The following ZSWIM4 variants were observed in gnomAD, a reference collection of about 807,000 sequenced individuals.
ZSWIM4 encodes zinc finger SWIM-type containing 4.
A neutral mutation model predicts 102.5 loss-of-function variants in ZSWIM4; 62 were observed. The observed-to-expected ratio is 0.60, with a 90% CI of 0.49 to 0.75. ZSWIM4 has a LOEUF of 0.75. Among genes scored for constraint, ZSWIM4 ranks in the 30% least tolerant of loss-of-function variants. ZSWIM4 has a pLI of 0.00. For missense variants in ZSWIM4, 1,280 were observed against 1,529.6 expected, an observed-to-expected ratio of 0.84 and a Z score of 2.72; for synonymous variants, 652 against 674.5, an observed-to-expected ratio of 0.97 and a Z score of 0.52.
chr19:13,805,401 G>A (rs142667289), intron 3 of ZSWIM4, among the ~76,000 whole-genome samples: 403 of 152,068 alleles, frequency 2.7e-3, no homozygotes, highest in Non-Finnish European at 3.5e-3. Flanking sequence ...GAGATCCTGC[G>A]TTAGAGGGCA....
At chr19:13,821,824 C>A (rs925193175) in intron 10 of ZSWIM4, among the ~76,000 whole-genome samples, 15 of 152,178 alleles carry the variant, frequency 9.9e-5, no homozygotes, top group African/African-American at 3.6e-4. Context: ...AAGCTCCAAA[C>A]CTCCCGGGTT....
chr19:13,808,874 G>A lies in ZSWIM4; in HGVS notation c.751G>A (p.Ala251Thr), dbSNP rs755192310. ...DPTAGAGIED[A>T]NCWHLDEEQI... is the part of the protein sequence containing the mutation. ...CACCGCCGGCGCAGGAATCGAGGAC[G>A]CCAACTGCTGGCACCTGGACGAGGA... Residue 251 changes from alanine (A) to threonine (T), a missense_variant, in exon 4 of 14, where the codon GCC (alanine) becomes ACC (threonine). By Grantham distance (58) the Ala-to-Thr change is moderately conservative. Coordinates refer to ENST00000590508, the MANE Select transcript of ZSWIM4 (RefSeq NM_001367834.3). 1.9e-6 allele frequency: 3 copies of A among 1,611,398 alleles called. No individual in the cohort carries two copies. The highest frequency in any genetic ancestry group is 2.5e-6 in the Non-Finnish European group (3 of 1,179,052).
rs1303965987 is a variant in ZSWIM4 at position 13,809,086 on chromosome 19, G to A, written c.878G>A (p.Arg293Gln). The A allele has an allele frequency of 5.6e-6, 9 of 1,613,030 alleles. No individual in the cohort carries two copies. Among genetic ancestry groups the A allele is most frequent in the African/African-American group, 2.7e-5 (2 of 74,926 alleles). ...SMFSKVREMLRMRDSNGARML... is the reference protein window; with the variant it reads ...SMFSKVREMLQMRDSNGARML... ...CCGGCACAGGTGCGGGAGATGCTGC[G>A]AATGCGGGACTCCAACGGGGCGCGC... Residue 293 changes from arginine (R) to glutamine (Q), a missense_variant, in exon 5 of 14, where the codon CGA becomes CAA. Transcript: ENST00000590508. This position sits in a 1 kb window ranked among gnomAD's most constrained non-coding sequence, Gnocchi z 4.2.
chr19:13,819,229 C>T, intron 9 of ZSWIM4, 128 bp from the exon 10 acceptor site: 2 of 1,295,822 alleles, frequency 1.5e-6, no homozygotes, highest in Non-Finnish European at 2.1e-6. Context: ...CCCCAGAGAC[C>T]CATCTAGCCA....
chr19:13,819,605 C>A, intron 10 of ZSWIM4, 113 bp downstream of exon 10: 1 of 1,243,970 alleles, frequency 8.0e-7, no homozygotes, highest in Non-Finnish European at 1.1e-6. Context: ...CTAGTTAATT[C>A]AGTCTCTCTC....
At position 13,809,029 on chromosome 19, in the gene ZSWIM4, G is replaced by A. The variant is rs776678398; in HGVS notation, c.862-41G>A. 10 of 1,606,574 alleles carry A rather than the reference G, an allele frequency of 6.2e-6. No individual in the cohort carries two copies. In the East Asian group the frequency reaches 9.0e-5, roughly 14 times the overall value. ...GGCGCGGGGTGCAGAAGGCCCCGGC[G>A]GACGCCCCAGCCCTTCCTCACCACC... On this transcript the variant is annotated intron_variant, in intron 4 of 13. Transcript: ENST00000590508. The surrounding 1 kb of genome is among the most constrained non-coding windows in gnomAD (Gnocchi z 4.2).
chr19:13,808,823 TC>T lies in ZSWIM4; in HGVS notation c.713-10del, dbSNP rs766633001. The stretch of plus-strand genomic sequence containing the variant: ...AGCCCCAGCCTCAGCTTCCTTTCCC[TC>T]CCTCCCGGCAGGTGCCCCAGACCCC... On this transcript the variant is annotated splice_polypyrimidine_tract_variant and intron_variant, in intron 3 of 13. Coordinates refer to ENST00000590508, the MANE Select transcript of ZSWIM4 (RefSeq NM_001367834.3). 1.4e-6 allele frequency: 2 copies of T among 1,452,510 alleles called. No individual in the cohort carries two copies. The highest frequency in any genetic ancestry group is 1.8e-6 in the Non-Finnish European group (2 of 1,088,680). 90.0% of individuals were successfully genotyped at this position (1,452,510 alleles called of 1,614,324 possible). A position where few individuals can be genotyped will look rare whatever the true frequency, so the allele number is the denominator to read the frequency against.
intron 12 of ZSWIM4, among the ~76,000 whole-genome samples, chr19:13,826,617 T>C (rs1289510948): frequency 2.0e-5 from 3 of 151,824 alleles, no homozygotes; most frequent in Admixed American, 2.0e-4. Context: ...ATACAAAAAT[T>C]AGCCAAGCGT....
Position 13,825,581 on chromosome 19 carries a change from C to T in ZSWIM4, c.2247C>T (p.Gly749=), listed in dbSNP as rs1975584026. 6.2e-7 allele frequency: 1 copy of T among 1,614,192 alleles called. No homozygotes were observed. ...GDPKWLHTVL[G]SIQQNIHSPA... ...CCAAGTGGCTGCACACGGTACTGGG[C>T]TCCATCCAGCAGAACATCCACTCTC... Residue 749 remains glycine (G), a synonymous_variant, in exon 12 of 14, where the codon GGC becomes GGT. Transcript: ENST00000590508. This position sits in a 1 kb window ranked among gnomAD's most constrained non-coding sequence, Gnocchi z 4.6.
chr19:13,809,268 C>T lies in ZSWIM4; in HGVS notation c.1012+48C>T. The T allele has an allele frequency of 1.3e-6, 2 of 1,550,560 alleles. No individual in the cohort carries two copies. Among genetic ancestry groups the T allele is most frequent in the Non-Finnish European group, 1.7e-6 (2 of 1,150,112 alleles). ...TGGTGGACACCGGGACTTCGGCTCC[C>T]ATGGGGGCTGGCCCACTCCAAGATT... On this transcript the variant is annotated intron_variant, in intron 5 of 13. Coordinates refer to ENST00000590508, the MANE Select transcript of ZSWIM4 (RefSeq NM_001367834.3). The surrounding 1 kb of genome is among the most constrained non-coding windows in gnomAD (Gnocchi z 4.2).
At chr19:13,821,266 A>G (rs1453271163) in intron 10 of ZSWIM4, among the ~76,000 whole-genome samples, 1 of 150,522 alleles carries the variant, frequency 6.6e-6, no homozygotes, top group African/African-American at 2.5e-5. Context: ...CCTGGGAGAC[A>G]GAGCGAGACT....
At position 13,817,677 on chromosome 19, in the gene ZSWIM4, G is replaced by C. The variant is rs542736961; in HGVS notation, c.1670-45G>C. ...GAGGCCAAGGGCTACAGGGACCTTAGGGAAGGGGATCCGTCTCCAGCAGCC... is the reference window on the plus strand; with the variant it reads ...GAGGCCAAGGGCTACAGGGACCTTACGGAAGGGGATCCGTCTCCAGCAGCC... On this transcript the variant is annotated intron_variant, in intron 8 of 13. Transcript: ENST00000590508. 2.3e-5 allele frequency: 37 copies of C among 1,598,558 alleles called. No individual in the cohort carries two copies. In the South Asian group the frequency reaches 4.2e-4, roughly 18 times the overall value.
At chr19:13,806,959 T>C (rs1237434945) in intron 3 of ZSWIM4, among the ~76,000 whole-genome samples, 1 of 151,478 alleles carries the variant, frequency 6.6e-6, no homozygotes, top group Non-Finnish European at 1.5e-5. Flanking sequence ...TTTTGAGAGG[T>C]ACATATGAAT....
intron 2 of ZSWIM4, among the ~76,000 whole-genome samples, chr19:13,802,416 C>T (rs770492798): frequency 5.3e-5 from 8 of 151,518 alleles, no homozygotes; most frequent in African/African-American, 1.5e-4. Flanking sequence ...CCCGTCTCTA[C>T]TAAAGATACA....
chr19:13,830,612 C>G lies in ZSWIM4; in HGVS notation c.2883C>G (p.Val961=). 6.2e-7 allele frequency: 1 copy of G among 1,600,160 alleles called. No homozygotes were observed. Among genetic ancestry groups the G allele is most frequent in the Non-Finnish European group, 8.5e-7 (1 of 1,179,806 alleles). ...TCAACCAGGACAGCCACCCTGCCGT[C>G]AACGACGTGCTTTGGGCCTGCTCTC... The part of the protein sequence containing the change: ...IAFNQDSHPA[V]NDVLWACSLS... The change falls in exon 14 of 14, where the codon GTC becomes GTG. Residue 961 remains valine (V), a synonymous_variant. Coordinates refer to ENST00000590508, the MANE Select transcript of ZSWIM4 (RefSeq NM_001367834.3).
At chr19:13,808,133 C>T (rs1288495413) in intron 3 of ZSWIM4, among the ~76,000 whole-genome samples, 3 of 152,054 alleles carry the variant, frequency 2.0e-5, no homozygotes, top group Non-Finnish European at 4.4e-5. Flanking sequence ...GGGAATGGTG[C>T]TACACCATTA....
chr19:13,818,051 C>T, intron 9 of ZSWIM4, 75 bp downstream of exon 9: 2 of 1,422,974 alleles, frequency 1.4e-6, no homozygotes, highest in African/African-American at 1.4e-5. Context: ...GGCCCGGTTG[C>T]TGCCAGATGG....
Position 13,829,223 on chromosome 19 carries a change from G to C in ZSWIM4, c.2461+497G>C, listed in dbSNP as rs556261517. Among the ~76,000 whole-genome samples, 13 of 152,302 alleles carry C rather than the reference G, an allele frequency of 8.5e-5. No homozygotes were observed. The East Asian group carries it at 1.7e-3, about 20-fold the overall frequency. On this transcript the variant is annotated intron_variant, in intron 13 of 13. Transcript: ENST00000590508. ...TTGAGCCCAGGAGATTGAGGTTGCA[G>C]TGAGCTGTGATTGTGCCACTGCACT...
chr19:13,820,016 C>T (rs1022838997), intron 10 of ZSWIM4, among the ~76,000 whole-genome samples: 9 of 151,802 alleles, frequency 5.9e-5, no homozygotes, highest in East Asian at 3.9e-4. Flanking sequence ...CCACCACGCC[C>T]GGCTAATTTT....
Sources: allele counts gnomAD v4.1 joint callset (sites outside exome capture counted in the v4.1 genomes callset), GRCh38; gene constraint gnomAD v4.1.1; non-coding constraint Gnocchi (gnomAD v3.1); transcripts MANE v1.5; gene names NCBI Gene and HGNC (gene_info 2026-07-23, HGNC 2026-07-21).